IPMK: variants seen among roughly 807,000 people sequenced by gnomAD.
IPMK encodes inositol polyphosphate multikinase.
A neutral mutation model predicts 45.8 loss-of-function variants in IPMK; 17 were observed. The ratio of observed to expected loss-of-function variants is 0.37; its 90% confidence interval spans 0.25 to 0.56. The LOEUF (loss-of-function observed/expected upper bound fraction) is 0.56. IPMK is among the 20% of genes least tolerant of loss of function. The pLI is 0.79. For missense variants in IPMK, 399 were observed against 498.0 expected, an observed-to-expected ratio of 0.80 and a Z score of 1.89; for synonymous variants, 180 against 184.3, an observed-to-expected ratio of 0.98 and a Z score of 0.19.
chr10:58,237,698 A>G, intron 2 of IPMK, 31 bp downstream of exon 2: 2 of 1,522,768 alleles, frequency 1.3e-6, no homozygotes, highest in Middle Eastern at 2.3e-4. Context: ...AAACACTTTG[A>G]AGACAACAAA....
chr10:58,252,311 C>A (rs1477226749), intron 1 of IPMK, among the ~76,000 whole-genome samples: 3 of 152,050 alleles, frequency 2.0e-5, no homozygotes, highest in Non-Finnish European at 4.4e-5. Flanking sequence ...CAATTTATAC[C>A]TTTTTATATT....
intron 4 of IPMK, among the ~76,000 whole-genome samples, chr10:58,199,536 G>A (rs944654630): frequency 6.6e-6 from 1 of 151,946 alleles, no homozygotes; most frequent in African/African-American, 2.4e-5. Flanking sequence ...TGTAATATAA[G>A]GATAGATGAA....
intron 1 of IPMK, among the ~76,000 whole-genome samples, chr10:58,251,761 C>T (rs2132174606): frequency 6.6e-6 from 1 of 152,342 alleles, no homozygotes; most frequent in South Asian, 2.1e-4. Context: ...CTCTGTAACA[C>T]TGTTGACAGT....
intron 4 of IPMK, among the ~76,000 whole-genome samples, chr10:58,210,244 C>T (rs1838137878): frequency 2.6e-5 from 4 of 152,108 alleles, no homozygotes; most frequent in Admixed American, 1.3e-4. Flanking sequence ...CCAGCTCCCA[C>T]GCAGTTGGCG....
rs547602244 is a variant in IPMK, at chr10:58,195,247, C to T, written c.*829G>A. On this transcript the variant is annotated 3_prime_UTR_variant, in exon 6 of 6. Coordinates refer to ENST00000373935, the MANE Select transcript of IPMK (RefSeq NM_152230.5). ...TCAATTATTTACTTTTTTGAAGCTG[C>T]ATTTAGATACAAAGGTATATGGTTT... 25 of 151,988 alleles carry T rather than the reference C, an allele frequency of 1.6e-4. No individual in the cohort carries two copies. Among genetic ancestry groups the T allele is most frequent in the African/African-American group, 5.8e-4 (24 of 41,504 alleles). The allele number at this position is 151,988 out of a possible 1,614,324, so 9.4% of individuals were successfully genotyped here. A position where few individuals can be genotyped will look rare whatever the true frequency, so the allele number is the denominator to read the frequency against.
At chr10:58,239,949 A>C (rs746847950) in intron 1 of IPMK, among the ~76,000 whole-genome samples, 22 of 152,176 alleles carry the variant, frequency 1.4e-4, no homozygotes, top group Non-Finnish European at 2.6e-4. Flanking sequence ...AACAAAACAA[A>C]AAATAGTACA....
chr10:58,267,762 G>T lies in IPMK; in HGVS notation c.-151C>A, dbSNP rs1839176423. The T allele has an allele frequency of 3.5e-6, 2 of 568,658 alleles. No individual in the cohort carries two copies. The highest frequency in any genetic ancestry group is 3.4e-5 in the Admixed American group (1 of 29,176). The allele number at this position is 568,658 out of a possible 1,614,324, so 35.2% of individuals were successfully genotyped here. ...GTGCCCTCTGAAGCGCGGGGAGGGGGCCCATGACGCCGCCGGGGCGCGGGC... is the reference window on the plus strand; with the variant it reads ...GTGCCCTCTGAAGCGCGGGGAGGGGTCCCATGACGCCGCCGGGGCGCGGGC... On this transcript the variant is annotated 5_prime_UTR_variant, in exon 1 of 6. Transcript: ENST00000373935.
In IPMK at chr10:58,244,071, G is replaced by A. The variant is rs370212510; in HGVS notation, c.191-6257C>T. 7.3e-4 allele frequency among the ~76,000 whole-genome samples: 111 copies of A among 151,594 alleles called. No homozygotes were observed. The East Asian group carries it at 8.3e-3, about 11-fold the overall frequency. On this transcript the variant is annotated intron_variant, in intron 1 of 5. Coordinates refer to ENST00000373935, the MANE Select transcript of IPMK (RefSeq NM_152230.5). ...CTCTGCCCGGCCGCTCTTCGTCTGG[G>A]AGGTGGGGAACGTCTCTGCCCGGCC...
chr10:58,199,231 A>G lies in IPMK; in HGVS notation c.628+9T>C. ...TCAATCATAAAAGCATTAGTTTTTTAGTCCTTACCATCCTTTATAGTTTCT... is the reference window on the plus strand; with the variant it reads ...TCAATCATAAAAGCATTAGTTTTTTGGTCCTTACCATCCTTTATAGTTTCT... On this transcript the variant is annotated intron_variant, in intron 5 of 5. Transcript: ENST00000373935. The G allele has an allele frequency of 1.3e-6, 2 of 1,556,730 alleles. No individual in the cohort carries two copies.
chr10:58,224,076 C>G (rs1290657821), intron 3 of IPMK, among the ~76,000 whole-genome samples: 1 of 152,112 alleles, frequency 6.6e-6, no homozygotes, highest in Admixed American at 6.5e-5. Context: ...TTTCTGAGAA[C>G]AATACAAGTT....
chr10:58,258,326 A>AAAC (rs1839004922), intron 1 of IPMK, among the ~76,000 whole-genome samples: 1 of 152,204 alleles, frequency 6.6e-6, no homozygotes, highest in Non-Finnish European at 1.5e-5. Flanking sequence ...ACAAACAAAA[A>AAAC]ATAGAATATT....
At chr10:58,250,715 A>G (rs912624297) in intron 1 of IPMK, among the ~76,000 whole-genome samples, 1 of 152,158 alleles carries the variant, frequency 6.6e-6, no homozygotes, top group Non-Finnish European at 1.5e-5. Flanking sequence ...ACTTCCACTC[A>G]AATAGGAGTA....
rs748295234 is a variant in IPMK, at chr10:58,192,446, T to G, written c.*3630A>C. 3 of 152,040 alleles carry G rather than the reference T, an allele frequency of 2.0e-5. No individual in the cohort carries two copies. Among genetic ancestry groups the G allele is most frequent in the Non-Finnish European group, 4.4e-5 (3 of 67,916 alleles). The allele number at this position is 152,040 out of a possible 1,614,324, so 9.4% of individuals were successfully genotyped here. On this transcript the variant is annotated 3_prime_UTR_variant, in exon 6 of 6. Transcript: ENST00000373935. The stretch of plus-strand genomic sequence containing the variant: ...GCTTTTTTATGCTATCTGTAACTAA[T>G]ACCCAAACTTAAATAGAGGTTACAA...
chr10:58,239,948 A>G (rs531914702), intron 1 of IPMK, among the ~76,000 whole-genome samples: 1 of 152,286 alleles, frequency 6.6e-6, no homozygotes, highest in Admixed American at 6.5e-5. Context: ...AAACAAAACA[A>G]AAAATAGTAC....
chr10:58,222,917 T>C (rs1181891700), intron 3 of IPMK, among the ~76,000 whole-genome samples: 1 of 152,240 alleles, frequency 6.6e-6, no homozygotes, highest in African/African-American at 2.4e-5. Context: ...AAACATCATA[T>C]GTTCTCACTC....
chr10:58,192,005 A>T lies in IPMK; in HGVS notation c.*4071T>A, dbSNP rs183282406. ...AAAAAATTTAAACTTTGATGACAAAATCTAAAATTAAAGAAAAGTCTTAAA... is the reference window on the plus strand; with the variant it reads ...AAAAAATTTAAACTTTGATGACAAATTCTAAAATTAAAGAAAAGTCTTAAA... On this transcript the variant is annotated 3_prime_UTR_variant, in exon 6 of 6. Coordinates refer to ENST00000373935, the MANE Select transcript of IPMK (RefSeq NM_152230.5). 1.3e-5 allele frequency: 2 copies of T among 152,196 alleles called. No homozygotes were observed. The highest frequency in any genetic ancestry group is 3.9e-4 in the East Asian group (2 of 5,192). The allele number at this position is 152,196 out of a possible 1,614,324, so 9.4% of individuals were successfully genotyped here.
chr10:58,251,349 G>A (rs985074420), intron 1 of IPMK, among the ~76,000 whole-genome samples: 2 of 152,032 alleles, frequency 1.3e-5, no homozygotes, highest in Non-Finnish European at 2.9e-5. Flanking sequence ...TGGTCAGAAA[G>A]GATAGTTGAT....
At chr10:58,227,533 T>G (rs934330003) in intron 2 of IPMK, among the ~76,000 whole-genome samples, 2 of 152,238 alleles carry the variant, frequency 1.3e-5, no homozygotes, top group African/African-American at 4.8e-5. Flanking sequence ...ACTTCCATTA[T>G]TCCAGATAAA....
At chr10:58,259,824 A>G (rs1028568672) in intron 1 of IPMK, among the ~76,000 whole-genome samples, 1 of 152,116 alleles carries the variant, frequency 6.6e-6, no homozygotes, top group Admixed American at 6.5e-5. Flanking sequence ...TGGGTAACAG[A>G]GCAAGAACCT....
Sources: gnomAD v4.1 joint callset for allele counts (sites outside exome capture counted in the v4.1 genomes callset) on GRCh38, gnomAD v4.1.1 for gene constraint, MANE v1.5 for transcripts, NCBI Gene and HGNC (gene_info 2026-07-23, HGNC 2026-07-21) for gene names.